Variants in BCAS3 observed in about 807,000 individuals in gnomAD.
BCAS3 encodes the protein BCAS3 microtubule associated cell migration factor.
A neutral mutation model predicts 116.1 loss-of-function variants in BCAS3; 53 were observed. The ratio of observed to expected loss-of-function variants is 0.46; its 90% confidence interval spans 0.37 to 0.57. The LOEUF (loss-of-function observed/expected upper bound fraction) is 0.57, where lower values mean the gene tolerates loss of function less well. Ranked by LOEUF, BCAS3 falls within the 20% of genes least tolerant of loss-of-function variation. BCAS3 has a pLI of 0.00. For synonymous variants in BCAS3, 391 were observed against 408.2 expected (o/e 0.96, Z 0.51); for missense variants, 917 against 1,165.4 (o/e 0.79, Z 3.10).
At chr17:61,090,557 A>G (rs1374570804) in intron 22 of BCAS3, among the ~76,000 whole-genome samples, 2 of 152,238 alleles carry the variant, frequency 1.3e-5, no homozygotes, top group Non-Finnish European at 2.9e-5. Flanking sequence ...TAAGTTTTAG[A>G]GATTAAGAAC....
intron 22 of BCAS3, among the ~76,000 whole-genome samples, chr17:61,155,744 A>G (rs2077797250): frequency 6.6e-6 from 1 of 152,198 alleles, no homozygotes; most frequent in African/African-American, 2.4e-5. Flanking sequence ...GCAAATGAAA[A>G]CCATATTGAT....
intron 22 of BCAS3, among the ~76,000 whole-genome samples, chr17:61,164,095 CTTTTTTT>C (rs11350775): frequency 1.5e-5 from 2 of 134,616 alleles, no homozygotes; most frequent in African/African-American, 5.8e-5. Context: ...AAAGACATGA[CTTTTTTT>C]TTTTTTTTTT....
chr17:61,014,661 A>T (rs1600480015), intron 15 of BCAS3, among the ~76,000 whole-genome samples: 1 of 151,948 alleles, frequency 6.6e-6, no homozygotes, highest in African/African-American at 2.4e-5. Context: ...AAAAAAAAAA[A>T]GGGCATCTAG....
chr17:61,102,524 T>G (rs150340431), intron 22 of BCAS3, among the ~76,000 whole-genome samples: 582 of 152,270 alleles, frequency 3.8e-3, no homozygotes, highest in Non-Finnish European at 6.0e-3. Flanking sequence ...TTAGAGAAAT[T>G]AAGTACTGTA....
chr17:60,887,761 T>G (rs559764030), intron 9 of BCAS3, among the ~76,000 whole-genome samples: 12 of 152,310 alleles, frequency 7.9e-5, no homozygotes, highest in African/African-American at 2.6e-4. Flanking sequence ...AGTTCAGTTT[T>G]TTTGTTTTTT....
At chr17:60,683,856 A>C in intron 2 of BCAS3, 126 bp from the exon 3 acceptor site, 1 of 855,218 alleles carries the variant, frequency 1.2e-6, no homozygotes, top group Non-Finnish European at 1.8e-6. Flanking sequence ...CAAAACAAAC[A>C]AAAAAACCCC....
intron 22 of BCAS3, among the ~76,000 whole-genome samples, chr17:61,170,823 G>A (rs1054161824): frequency 2.0e-5 from 3 of 152,118 alleles, no homozygotes; most frequent in African/African-American, 4.8e-5. Context: ...GAGTCCCCGA[G>A]AGGAAAGAGC....
At chr17:61,172,371 T>A (rs1398912404) in intron 22 of BCAS3, among the ~76,000 whole-genome samples, 4 of 151,994 alleles carry the variant, frequency 2.6e-5, no homozygotes, top group African/African-American at 7.2e-5. Flanking sequence ...CGTGGTGGCT[T>A]ACGCCTAATC....
intron 22 of BCAS3, chr17:61,086,621 C>T (rs767421872): frequency 1.1e-6 from 1 of 920,236 alleles, no homozygotes; most frequent in Non-Finnish European, 1.3e-6. Context: ...ATGGCATTGA[C>T]CCTCTCTGCC....
In BCAS3 at chr17:61,151,043, A is replaced by C. The variant is rs988858300; in HGVS notation, c.2425+66479A>C. Among the ~76,000 whole-genome samples, 1 of 152,172 alleles carries C rather than the reference A, an allele frequency of 6.6e-6. No homozygotes were observed. The highest frequency in any genetic ancestry group is 1.5e-5 in the Non-Finnish European group (1 of 68,026). On this transcript the variant is annotated intron_variant, in intron 22 of 23. Transcript: ENST00000407086. The surrounding 1 kb of genome is among the most constrained non-coding windows in gnomAD (Gnocchi z 4.8). ...AGCCACATCTAGACAACTGAATTTC[A>C]CTTACACTTCCAACTTCTCATTTAA...
In BCAS3 at chr17:61,124,522, G is replaced by A. The variant is rs1387688931; in HGVS notation, c.2425+39958G>A. Among the ~76,000 whole-genome samples the A allele has an allele frequency of 2.6e-5, 4 of 152,130 alleles. No homozygotes were observed. Among genetic ancestry groups the A allele is most frequent in the Non-Finnish European group, 5.9e-5 (4 of 68,026 alleles). ...ACCAGTTATTCATATTTCACTGCAT[G>A]TTAGTATTTTGGCATCATTTCTTAC... On this transcript the variant is annotated intron_variant, in intron 22 of 23. Transcript: ENST00000407086. This position sits in a 1 kb window ranked among gnomAD's most constrained non-coding sequence, Gnocchi z 4.6.
intron 6 of BCAS3, among the ~76,000 whole-genome samples, chr17:60,754,680 T>C (rs962940583): frequency 6.9e-6 from 1 of 145,378 alleles, no homozygotes; most frequent in African/African-American, 2.7e-5. Flanking sequence ...AAATTTAAAA[T>C]ACACACACAC....
At chr17:60,828,292 T>C (rs1483976429) in intron 7 of BCAS3, among the ~76,000 whole-genome samples, 1 of 152,230 alleles carries the variant, frequency 6.6e-6, no homozygotes, top group Non-Finnish European at 1.5e-5. Flanking sequence ...GAGATCACTG[T>C]TGTGTTGTGA....
At chr17:60,692,052 C>CAA (rs773823418) in intron 4 of BCAS3, among the ~76,000 whole-genome samples, 6 of 109,918 alleles carry the variant, frequency 5.5e-5, no homozygotes, top group Admixed American at 1.9e-4. Flanking sequence ...AACTCTGTCT[C>CAA]AAAAAAAAAA....
At position 61,388,745 on chromosome 17, in the gene BCAS3, G is replaced by C. The variant is rs1458445142; in HGVS notation, c.2594-3232G>C. 8 of 1,525,422 alleles carry C rather than the reference G, an allele frequency of 5.2e-6. No individual in the cohort carries two copies. The highest frequency in any genetic ancestry group is 7.0e-6 in the Non-Finnish European group (8 of 1,139,332). The allele number at this position is 1,525,422 out of a possible 1,614,324, so 94.5% of individuals were successfully genotyped here. On this transcript the variant is annotated intron_variant, in intron 23 of 23. Coordinates refer to ENST00000407086, the MANE Select transcript of BCAS3 (RefSeq NM_017679.5). This position sits in a 1 kb window ranked among gnomAD's most constrained non-coding sequence, Gnocchi z 6.5. ...CGTTTCCATTTGCCGCTTGCTCGTAGGGCTGGGCGGCCGGGATGACTTGGA... is the reference window on the plus strand; with the variant it reads ...CGTTTCCATTTGCCGCTTGCTCGTACGGCTGGGCGGCCGGGATGACTTGGA...
chr17:60,681,632 A>C (rs920918526), intron 2 of BCAS3, among the ~76,000 whole-genome samples: 1 of 148,084 alleles, frequency 6.8e-6, no homozygotes, highest in African/African-American at 2.5e-5. Flanking sequence ...GCTCACTGCA[A>C]CCTCCGCCTT....
At chr17:61,303,223 G>C (rs79296136) in intron 22 of BCAS3, among the ~76,000 whole-genome samples, 1 of 152,174 alleles carries the variant, frequency 6.6e-6, no homozygotes, top group South Asian at 2.1e-4. Context: ...AGCCAGAGCC[G>C]CACACTGCTG....
At position 61,235,584 on chromosome 17, in the gene BCAS3, C is replaced by G. The variant is rs1212230147; in HGVS notation, c.2426-132743C>G. The stretch of plus-strand genomic sequence containing the variant: ...GAGATTCCTGAGCCTTTAGTGGATG[C>G]TGAGCTGGAGACCCCCGTTAGTGCT... On this transcript the variant is annotated intron_variant, in intron 22 of 23. Coordinates refer to ENST00000407086, the MANE Select transcript of BCAS3 (RefSeq NM_017679.5). This position sits in a 1 kb window ranked among gnomAD's most constrained non-coding sequence, Gnocchi z 5.0. Among the ~76,000 whole-genome samples, 3 of 151,946 alleles carry G rather than the reference C, an allele frequency of 2.0e-5. No individual in the cohort carries two copies. The highest frequency in any genetic ancestry group is 2.0e-4 in the Admixed American group (3 of 15,262).
intron 22 of BCAS3, among the ~76,000 whole-genome samples, chr17:61,085,339 G>A (rs914768119): frequency 2.1e-4 from 32 of 152,166 alleles, no homozygotes; most frequent in African/African-American, 6.5e-4. Flanking sequence ...TTAAATACTC[G>A]GCGTTAGTCA....
Sources: allele counts gnomAD v4.1 joint callset (sites outside exome capture counted in the v4.1 genomes callset), GRCh38; gene constraint gnomAD v4.1.1; non-coding constraint Gnocchi (gnomAD v3.1); transcripts MANE v1.5; gene names NCBI Gene and HGNC (gene_info 2026-07-23, HGNC 2026-07-21).